Variants in OXR1 observed in about 807,000 individuals in gnomAD.
OXR1 encodes the protein oxidation resistance 1, also known as oxidation resistance protein 1.
In OXR1, 41 loss-of-function variants were observed where a neutral mutation model predicts 104.6. The observed-to-expected ratio is 0.39, with a 90% CI of 0.31 to 0.51. The LOEUF is 0.51. Ranked by LOEUF, OXR1 falls within the 20% of genes least tolerant of loss-of-function variation. The probability of loss-of-function intolerance (pLI) is 0.77; values close to 1 mark genes in which losing one functional copy is unlikely to be tolerated. For synonymous variants in OXR1, 348 were observed against 348.4 expected (o/e 1.00, Z 0.01); for missense variants, 955 against 1,031.9 (o/e 0.93, Z 1.02).
At chr8:106,579,883 C>T (rs1347854048) in intron 3 of OXR1, among the ~76,000 whole-genome samples, 10 of 151,864 alleles carry the variant, frequency 6.6e-5, no homozygotes, top group Admixed American at 6.5e-4. Flanking sequence ...CTCATGGCAG[C>T]AGAGCAAATG....
chr8:106,671,527 A>G (rs1356554468), intron 3 of OXR1, among the ~76,000 whole-genome samples: 1 of 152,176 alleles, frequency 6.6e-6, no homozygotes, highest in African/African-American at 2.4e-5. Flanking sequence ...GCATATGTTT[A>G]TTGCAGCACT....
At chr8:106,376,698 A>G (rs2130392020) in intron 2 of OXR1, among the ~76,000 whole-genome samples, 1 of 152,346 alleles carries the variant, frequency 6.6e-6, no homozygotes, top group East Asian at 1.9e-4. Context: ...AGAAGTGGTT[A>G]GCCCTAAATT....
intron 1 of OXR1, among the ~76,000 whole-genome samples, chr8:106,327,770 G>C (rs1445374256): frequency 6.6e-6 from 1 of 152,142 alleles, no homozygotes; most frequent in African/African-American, 2.4e-5. Flanking sequence ...TCATGCCAGA[G>C]GAATTGTGAG....
chr8:106,593,448 C>T (rs962931151), intron 3 of OXR1, among the ~76,000 whole-genome samples: 31 of 152,228 alleles, frequency 2.0e-4, no homozygotes, highest in African/African-American at 7.5e-4. Flanking sequence ...GAAGTATACA[C>T]ATAGTAGATA....
At chr8:106,454,323 T>C (rs1820481705) in intron 2 of OXR1, among the ~76,000 whole-genome samples, 1 of 151,880 alleles carries the variant, frequency 6.6e-6, no homozygotes, top group Non-Finnish European at 1.5e-5. Flanking sequence ...TAGCCAGGCG[T>C]GGTGACATGC....
chr8:106,649,421 T>C (rs1440460936), intron 3 of OXR1, among the ~76,000 whole-genome samples: 1 of 152,226 alleles, frequency 6.6e-6, no homozygotes, highest in Non-Finnish European at 1.5e-5. Flanking sequence ...TTCTGTACTA[T>C]AGTTTTGTTT....
chr8:106,685,817 T>G (rs1828655308), intron 6 of OXR1, among the ~76,000 whole-genome samples: 2 of 152,250 alleles, frequency 1.3e-5, no homozygotes, highest in Admixed American at 6.5e-5. Flanking sequence ...ATAAAAAAGA[T>G]ACTTGCACAT....
At chr8:106,365,228 A>G (rs946614396) in intron 2 of OXR1, among the ~76,000 whole-genome samples, 1 of 152,110 alleles carries the variant, frequency 6.6e-6, no homozygotes, top group African/African-American at 2.4e-5. Context: ...GTTGTGAGAG[A>G]TAATATGAGT....
Position 106,359,591 on chromosome 8 carries a change from A to C in OXR1, c.-23A>C. On this transcript the variant is annotated 5_prime_UTR_variant, in exon 2 of 17. Transcript: ENST00000517566. ...AATTTCCTGTTCTGGAATCGAGAGAAGACTCCTCAACAAGTTGCTGCAATG... is the reference window on the plus strand; with the variant it reads ...AATTTCCTGTTCTGGAATCGAGAGACGACTCCTCAACAAGTTGCTGCAATG... The C allele has an allele frequency of 6.5e-7, 1 of 1,545,194 alleles. No individual in the cohort carries two copies. Among genetic ancestry groups the C allele is most frequent in the South Asian group, 1.2e-5 (1 of 83,894 alleles).
At chr8:106,394,759 T>C (rs1437896667) in intron 2 of OXR1, among the ~76,000 whole-genome samples, 1 of 152,090 alleles carries the variant, frequency 6.6e-6, no homozygotes, top group Non-Finnish European at 1.5e-5. Context: ...GAGAGGACAA[T>C]AGTTGACCAA....
At chr8:106,589,506 C>T (rs1181761989) in intron 3 of OXR1, among the ~76,000 whole-genome samples, 1 of 152,072 alleles carries the variant, frequency 6.6e-6, no homozygotes, top group Non-Finnish European at 1.5e-5. Context: ...GAGCCTTGTA[C>T]AAATGCTAGA....
chr8:106,407,310 T>C (rs72678566), intron 2 of OXR1, among the ~76,000 whole-genome samples: 54 of 152,322 alleles, frequency 3.5e-4, no homozygotes, highest in Non-Finnish European at 7.1e-4. Flanking sequence ...GAGTGAGTTC[T>C]CCTTTGAATC....
At chr8:106,302,585 C>CAG (rs796726356) in intron 1 of OXR1, among the ~76,000 whole-genome samples, 9 of 125,466 alleles carry the variant, frequency 7.2e-5, no homozygotes, top group African/African-American at 2.6e-4. Flanking sequence ...GATGCTGTCT[C>CAG]AAAAAAAAAA....
At chr8:106,572,860 G>T (rs560118061) in intron 3 of OXR1, among the ~76,000 whole-genome samples, 3 of 152,160 alleles carry the variant, frequency 2.0e-5, no homozygotes, top group East Asian at 3.9e-4. Flanking sequence ...TATTAGTACA[G>T]AATCTATTAT....
chr8:106,339,312 G>A (rs1176032988), intron 1 of OXR1, among the ~76,000 whole-genome samples: 2 of 150,708 alleles, frequency 1.3e-5, no homozygotes, highest in South Asian at 2.1e-4. Flanking sequence ...TGGCTAACAC[G>A]GTGAAACCCT....
At chr8:106,441,202 T>G (rs1032482019) in intron 2 of OXR1, among the ~76,000 whole-genome samples, 1 of 152,122 alleles carries the variant, frequency 6.6e-6, no homozygotes, top group Non-Finnish European at 1.5e-5. Flanking sequence ...TTTTGTCAGG[T>G]TTGTCGAAGA....
intron 16 of OXR1, among the ~76,000 whole-genome samples, chr8:106,747,888 A>G (rs887799104): frequency 4.6e-5 from 7 of 152,238 alleles, no homozygotes; most frequent in South Asian, 2.1e-4. Flanking sequence ...TTGAAGGTCA[A>G]TTTTGAGGTA....
intron 3 of OXR1, among the ~76,000 whole-genome samples, chr8:106,536,705 G>T (rs774412738): frequency 3.1e-4 from 47 of 152,090 alleles, no homozygotes; most frequent in Non-Finnish European, 5.4e-4. Flanking sequence ...GTGGTGCTGG[G>T]TCACTCAAAG....
chr8:106,565,416 A>G (rs986657587), intron 3 of OXR1, among the ~76,000 whole-genome samples: 1 of 152,198 alleles, frequency 6.6e-6, no homozygotes, highest in African/African-American at 2.4e-5. Context: ...AATACAACTT[A>G]AAAGGGATGT....
Sources: allele counts gnomAD v4.1 joint callset (sites outside exome capture counted in the v4.1 genomes callset), GRCh38; gene constraint gnomAD v4.1.1; transcripts MANE v1.5; gene names NCBI Gene and HGNC (gene_info 2026-07-23, HGNC 2026-07-21).